IL1RAPL2: variants seen among roughly 807,000 people sequenced by gnomAD.
The protein encoded by IL1RAPL2 is interleukin 1 receptor accessory protein like 2, also known as X-linked interleukin-1 receptor accessory protein-like 2.
Under a neutral mutation model 44.1 loss-of-function variants are expected in IL1RAPL2, and 3 were observed. That is an observed-to-expected ratio of 0.07 (90% CI 0.03 to 0.18). The LOEUF (loss-of-function observed/expected upper bound fraction) is 0.18. Ranked by LOEUF, IL1RAPL2 falls within the 10% of genes least tolerant of loss-of-function variation. The probability of loss-of-function intolerance (pLI) is 1.00; values close to 1 mark genes in which losing one functional copy is unlikely to be tolerated. For synonymous variants in IL1RAPL2, 181 were observed against 178.8 expected (o/e 1.01, Z -0.10); for missense variants, 391 against 496.4 (o/e 0.79, Z 2.02).
intron 6 of IL1RAPL2, among the ~76,000 whole-genome samples, chrX:105,682,689 C>A (rs1399200571): frequency 8.9e-6 from 1 of 112,090 alleles, no homozygotes; most frequent in African/African-American, 3.2e-5. Context: ...GGCTCAGCAT[C>A]TTTTCTGATT....
intron 5 of IL1RAPL2, among the ~76,000 whole-genome samples, chrX:105,293,991 A>T (rs1465596374): frequency 1.8e-5 from 2 of 112,535 alleles, no homozygotes; most frequent in African/African-American, 6.5e-5. Context: ...ATAATGTAAT[A>T]AGAAACATTT....
At chrX:105,685,824 G>T (rs1188101631) in intron 6 of IL1RAPL2, among the ~76,000 whole-genome samples, 2 of 111,905 alleles carry the variant, frequency 1.8e-5, no homozygotes, top group Non-Finnish European at 3.8e-5. Flanking sequence ...TAGCCACAGA[G>T]GGAAGCCCAT....
chrX:105,413,247 T>C (rs1416679882), intron 5 of IL1RAPL2, among the ~76,000 whole-genome samples: 4 of 111,777 alleles, frequency 3.6e-5, no homozygotes, highest in Non-Finnish European at 5.6e-5. Flanking sequence ...AATGTCCCCC[T>C]CAAAAATATT....
chrX:105,157,907 A>G (rs2033282988), intron 2 of IL1RAPL2, among the ~76,000 whole-genome samples: 1 of 112,342 alleles, frequency 8.9e-6, no homozygotes, highest in Non-Finnish European at 1.9e-5. Flanking sequence ...TTTAGAATGT[A>G]TGAGTTTTAG....
chrX:105,737,091 G>A (rs1201738344), intron 7 of IL1RAPL2, among the ~76,000 whole-genome samples: 2 of 111,391 alleles, frequency 1.8e-5, no homozygotes, highest in Non-Finnish European at 3.8e-5. Context: ...AACATGGATG[G>A]AGCTGGAAGC....
chrX:104,762,741 G>A (rs1482635691), intron 2 of IL1RAPL2, among the ~76,000 whole-genome samples: 1 of 112,040 alleles, frequency 8.9e-6, no homozygotes, highest in African/African-American at 3.2e-5. Flanking sequence ...TTCTGGTCAA[G>A]AAGGTTTGAG....
chrX:105,597,147 G>A (rs1234440564), intron 6 of IL1RAPL2, among the ~76,000 whole-genome samples: 1 of 111,805 alleles, frequency 8.9e-6, no homozygotes, highest in Admixed American at 9.5e-5. Context: ...ATAAAAATGG[G>A]CAGTGTACCT....
chrX:105,566,706 A>G (rs1159106974), intron 6 of IL1RAPL2, among the ~76,000 whole-genome samples: 2 of 111,607 alleles, frequency 1.8e-5, no homozygotes, highest in African/African-American at 6.5e-5. Context: ...GCAGAAGAGT[A>G]AATAAGCACA....
At chrX:104,653,973 G>T (rs886265305) in intron 1 of IL1RAPL2, among the ~76,000 whole-genome samples, 11 of 110,119 alleles carry the variant, frequency 1.0e-4, no homozygotes, top group Admixed American at 9.8e-4. Context: ...TATTTTAAAG[G>T]ACCCTAGCTG....
chrX:104,943,154 C>CT (rs1397233157), intron 2 of IL1RAPL2, among the ~76,000 whole-genome samples: 2 of 111,217 alleles, frequency 1.8e-5, no homozygotes, highest in Non-Finnish European at 1.9e-5. Context: ...CTCAAATTCT[C>CT]TTTTTTTAAT....
At chrX:104,724,355 C>A (rs2147566120) in intron 2 of IL1RAPL2, among the ~76,000 whole-genome samples, 1 of 111,062 alleles carries the variant, frequency 9.0e-6, no homozygotes, top group South Asian at 3.8e-4. Flanking sequence ...AGGAGATATA[C>A]CTAATGTTAA....
intron 2 of IL1RAPL2, among the ~76,000 whole-genome samples, chrX:104,990,993 G>T (rs1182349142): frequency 9.0e-6 from 1 of 110,989 alleles, no homozygotes; most frequent in Non-Finnish European, 1.9e-5. Context: ...AAATCATAAG[G>T]TGACTAAATG....
chrX:105,060,350 A>G (rs1473169087), intron 2 of IL1RAPL2, among the ~76,000 whole-genome samples: 1 of 111,686 alleles, frequency 9.0e-6, no homozygotes, highest in African/African-American at 3.2e-5. Flanking sequence ...TTCAGCATCA[A>G]TTGAAATGCT....
chrX:105,201,935 T>G (rs57612263), intron 3 of IL1RAPL2, among the ~76,000 whole-genome samples: 5 of 111,821 alleles, frequency 4.5e-5, no homozygotes, highest in African/African-American at 1.6e-4. Context: ...CGAAATGAAA[T>G]GTAATTAGTT....
chrX:104,982,753 T>A (rs1289118900), intron 2 of IL1RAPL2, among the ~76,000 whole-genome samples: 5 of 26 alleles, frequency 0.19, no homozygotes, highest in African/African-American at 0.45. Context: ...TATATTGCGT[T>A]TTCTGGAACA....
intron 6 of IL1RAPL2, among the ~76,000 whole-genome samples, chrX:105,664,982 G>A (rs746880833): frequency 3.2e-4 from 36 of 112,143 alleles, no homozygotes; most frequent in African/African-American, 1.1e-3. Flanking sequence ...TCTTTCTTAT[G>A]ATTTTCTTAA....
Position 105,580,362 on chromosome X carries a change from G to GTTTTTTTT in IL1RAPL2, c.772+95986_772+95993dup, listed in dbSNP as rs149950677. On this transcript the variant is annotated intron_variant, in intron 6 of 10. Transcript: ENST00000372582. ...AACTGATGTTAAGTGAACCCCCCGT[G>GTTTTTTTT]TTTTTTTTTTTTTTTTTTGCATACT... Among the ~76,000 whole-genome samples the GTTTTTTTT allele has an allele frequency of 2.4e-5, 2 of 84,650 alleles. 1 individual carries two copies. The allele number at this position is 84,650 out of a possible 115,157, so 73.5% of individuals were successfully genotyped here.
chrX:105,238,793 C>T (rs782255528), intron 4 of IL1RAPL2, among the ~76,000 whole-genome samples: 4 of 110,730 alleles, frequency 3.6e-5, no homozygotes, highest in South Asian at 3.9e-4. Flanking sequence ...TCTCAGTTAC[C>T]GTCATTTTGG....
chrX:104,739,306 G>T (rs751586338), intron 2 of IL1RAPL2, among the ~76,000 whole-genome samples: 8 of 112,093 alleles, frequency 7.1e-5, no homozygotes, highest in Non-Finnish European at 1.5e-4. Context: ...AAAGGAAAAT[G>T]TGGATTTTAT....
Sources: allele counts gnomAD v4.1 joint callset (sites outside exome capture counted in the v4.1 genomes callset), GRCh38; gene constraint gnomAD v4.1.1; transcripts MANE v1.5; gene names NCBI Gene and HGNC (gene_info 2026-07-23, HGNC 2026-07-21).